Variants in RDM1 observed in about 807,000 individuals in gnomAD.
The protein encoded by RDM1 is RAD52 motif-containing protein 1.
A neutral mutation model predicts 27.7 loss-of-function variants in RDM1; 28 were observed. The ratio of observed to expected loss-of-function variants is 1.01; its 90% CI spans 0.75 to 1.39. The LOEUF (loss-of-function observed/expected upper bound fraction) is 1.39. Ranked by LOEUF, RDM1 falls within the 40% of genes most tolerant of loss-of-function variation. RDM1 has a pLI of 0.00. For synonymous variants in RDM1, 124 were observed against 127.5 expected, an observed-to-expected ratio of 0.97 and a Z score of 0.19; for missense variants, 277 against 337.3, an observed-to-expected ratio of 0.82 and a Z score of 1.40.
At chr17:35,918,504 A>G (rs1025832500) in intron 6 of RDM1, 61 bp from the exon 7 acceptor site, 1 of 1,409,316 alleles carries the variant, frequency 7.1e-7, no homozygotes, top group Non-Finnish European at 1.0e-6. Flanking sequence ...ATTCATTCCA[A>G]AATGTTGCCG....
At chr17:35,924,865 G>A (rs1171236742) in intron 3 of RDM1, 93 bp from the exon 4 acceptor site, 6 of 1,268,726 alleles carry the variant, frequency 4.7e-6, no homozygotes, top group Non-Finnish European at 6.6e-6. Context: ...GCTGGGCGTG[G>A]TGGTTCACGC....
At chr17:35,926,058 TG>T (rs2089136177) in intron 2 of RDM1, among the ~76,000 whole-genome samples, 1 of 150,706 alleles carries the variant, frequency 6.6e-6, no homozygotes, top group Admixed American at 6.6e-5. Flanking sequence ...CGCTTGAACC[TG>T]GGAGGCAGAG....
intron 6 of RDM1, 118 bp downstream of exon 6, chr17:35,920,069 G>A: frequency 1.8e-6 from 1 of 571,394 alleles, no homozygotes; most frequent in East Asian, 3.2e-5. Context: ...GCACTCAAAA[G>A]TAGTATCAGT....
chr17:35,919,576 TA>T (rs1435538875), intron 6 of RDM1, among the ~76,000 whole-genome samples: 1 of 152,186 alleles, frequency 6.6e-6, no homozygotes, highest in African/African-American at 2.4e-5. Context: ...AAATGTACAG[TA>T]AAAATACTGT....
At chr17:35,918,757 G>C (rs2141920787) in intron 6 of RDM1, among the ~76,000 whole-genome samples, 1 of 152,298 alleles carries the variant, frequency 6.6e-6, no homozygotes, top group East Asian at 1.9e-4. Context: ...ATGGAGAAGA[G>C]GCTTAGGTTG....
chr17:35,922,440 G>T (rs2088978129), intron 5 of RDM1, 137 bp downstream of exon 5: 2 of 1,045,212 alleles, frequency 1.9e-6, no homozygotes, highest in Middle Eastern at 3.4e-4. Context: ...GAGCCTGTTG[G>T]TGTGAAATAA....
chr17:35,919,382 T>C (rs1362210560), intron 6 of RDM1, among the ~76,000 whole-genome samples: 1 of 152,146 alleles, frequency 6.6e-6, no homozygotes, highest in Non-Finnish European at 1.5e-5. Flanking sequence ...CATTAGGTGA[T>C]TTCACCCTTG....
In RDM1 at chr17:35,918,266, G is replaced by A; in HGVS notation, c.*76C>T. ...CAGGACTCCAGCAGCCTATAGTGGT[G>A]GGGCGGCGTGGGGTAGGGGCACGAC... On this transcript the variant is annotated 3_prime_UTR_variant, in exon 7 of 7. Transcript: ENST00000620284. 8.0e-7 allele frequency: 1 copy of A among 1,252,232 alleles called. No homozygotes were observed. The highest frequency in any genetic ancestry group is 1.7e-5 in the Admixed American group (1 of 57,166). The allele number at this position is 1,252,232 out of a possible 1,614,324, so 77.6% of individuals were successfully genotyped here.
Position 35,924,606 on chromosome 17 carries a change from TC to T in RDM1, c.565del (p.Glu189LysfsTer8). 1 of 1,612,006 alleles carries T rather than the reference TC, an allele frequency of 6.2e-7. No individual in the cohort carries two copies. Among genetic ancestry groups the T allele is most frequent in the Non-Finnish European group, 8.5e-7 (1 of 1,178,558 alleles). On this transcript the variant is annotated frameshift_variant, in exon 4 of 7. Coordinates refer to ENST00000620284, the MANE Select transcript of RDM1 (RefSeq NM_145654.4). LOFTEE classifies it high-confidence loss of function. ...LVEEPMDKVE[E>X]GPLSFLMKRK... ...CTCCACTCCCAGTGAAAACAGACCT[TC>T]CTCCACCTTATCCATAGGCTCCTCC... is the stretch of plus-strand genomic sequence containing the variant.
In RDM1 at chr17:35,925,460, G is replaced by T. The variant is rs955360479; in HGVS notation, c.399+55C>A. 12 of 1,594,962 alleles carry T rather than the reference G, an allele frequency of 7.5e-6. No homozygotes were observed. In the African/African-American group the frequency reaches 1.6e-4, roughly 21 times the overall value. Reference sequence around the variant, plus strand: ...TTCAATACTTCTGTCTAAAATCTAGGATTTCAATGTTGAAAGGAGAGTGTG... The same window carrying T: ...TTCAATACTTCTGTCTAAAATCTAGTATTTCAATGTTGAAAGGAGAGTGTG... On this transcript the variant is annotated intron_variant, in intron 3 of 6. Transcript: ENST00000620284.
At chr17:35,927,211 C>A (rs544048133) in intron 2 of RDM1, among the ~76,000 whole-genome samples, 11 of 151,308 alleles carry the variant, frequency 7.3e-5, no homozygotes, top group African/African-American at 2.4e-4. Flanking sequence ...GAGGCCGAGG[C>A]GGCAGATCAC....
At chr17:35,928,999 C>T (rs544448058) in intron 2 of RDM1, among the ~76,000 whole-genome samples, 15 of 152,198 alleles carry the variant, frequency 9.9e-5, no homozygotes, top group Middle Eastern at 3.4e-3. Flanking sequence ...CACTTGAACC[C>T]GGAAGGCAGA....
intron 1 of RDM1, 121 bp downstream of exon 1, chr17:35,930,511 A>G (rs770574507): frequency 2.8e-5 from 28 of 998,298 alleles, no homozygotes; most frequent in Admixed American, 8.1e-5. Flanking sequence ...GATCCCCTTT[A>G]TAATTAAGAG....
chr17:35,920,573 G>A (rs1248087413), intron 5 of RDM1, among the ~76,000 whole-genome samples: 1 of 150,680 alleles, frequency 6.6e-6, no homozygotes, highest in Non-Finnish European at 1.5e-5. Context: ...GATCCCCCTG[G>A]CTCACCCTCC....
In RDM1 at chr17:35,918,282, G is replaced by T; in HGVS notation, c.*60C>A. 6.9e-7 allele frequency: 1 copy of T among 1,449,436 alleles called. No homozygotes were observed. 89.8% of individuals were successfully genotyped at this position (1,449,436 alleles called of 1,614,324 possible). On this transcript the variant is annotated 3_prime_UTR_variant, in exon 7 of 7. Transcript: ENST00000620284. ...TATAGTGGTGGGGCGGCGTGGGGTA[G>T]GGGCACGACAGAGCTTCCCAAGGAA...
intron 1 of RDM1, 147 bp from the exon 2 acceptor site, chr17:35,930,402 T>C: frequency 8.7e-7 from 1 of 1,155,220 alleles, no homozygotes; most frequent in Non-Finnish European, 1.2e-6. Flanking sequence ...CTTAAAATCC[T>C]AAACTTTAAG....
chr17:35,923,405 C>G (rs2089022041), intron 4 of RDM1, among the ~76,000 whole-genome samples: 1 of 149,800 alleles, frequency 6.7e-6, no homozygotes, highest in South Asian at 2.1e-4. Context: ...CCTGTAATCC[C>G]AGCACTTTGG....
At chr17:35,923,692 C>T (rs1316375925) in intron 4 of RDM1, among the ~76,000 whole-genome samples, 2 of 152,070 alleles carry the variant, frequency 1.3e-5, no homozygotes, top group East Asian at 3.9e-4. Flanking sequence ...TACAGATAAT[C>T]TGGCTCCTCC....
intron 1 of RDM1, 59 bp from the exon 2 acceptor site, chr17:35,930,314 A>G: frequency 6.2e-7 from 1 of 1,603,214 alleles, no homozygotes; most frequent in Non-Finnish European, 8.5e-7. Context: ...AAAACCGCAC[A>G]TGCCCTCATA....
Sources: gnomAD v4.1 joint callset for allele counts (sites outside exome capture counted in the v4.1 genomes callset) on GRCh38, gnomAD v4.1.1 for gene constraint, MANE v1.5 for transcripts, NCBI Gene and HGNC (gene_info 2026-07-23, HGNC 2026-07-21) for gene names.